KIF16B: variants seen among roughly 807,000 people sequenced by gnomAD.
The protein encoded by KIF16B is kinesin-like protein KIF16B.
KIF16B carries 98 observed loss-of-function variants against 156.3 expected under a neutral mutation model. The ratio of observed to expected loss-of-function variants is 0.63; its 90% CI spans 0.53 to 0.74. The LOEUF is 0.74. Among genes scored for constraint, KIF16B ranks in the 30% least tolerant of loss-of-function variants. The probability of loss-of-function intolerance (pLI) is 0.00; values close to 1 mark genes in which losing one functional copy is unlikely to be tolerated. For missense variants in KIF16B, 1,421 were observed against 1,606.5 expected, an observed-to-expected ratio of 0.88 and a Z score of 1.97; for synonymous variants, 564 against 583.7, an observed-to-expected ratio of 0.97 and a Z score of 0.49.
intron 12 of KIF16B, among the ~76,000 whole-genome samples, chr20:16,482,679 T>C (rs999565542): frequency 9.9e-5 from 15 of 152,202 alleles, no homozygotes; most frequent in African/African-American, 3.4e-4. Context: ...TGCTTTTATG[T>C]AATTTTTCAC....
At chr20:16,474,647 C>A (rs1410247792) in intron 12 of KIF16B, among the ~76,000 whole-genome samples, 1 of 152,120 alleles carries the variant, frequency 6.6e-6, no homozygotes, top group Non-Finnish European at 1.5e-5. Context: ...TTTGCCCTTC[C>A]CCATTTTTCC....
At chr20:16,528,645 T>C (rs546346438) in intron 1 of KIF16B, among the ~76,000 whole-genome samples, 85 of 152,324 alleles carry the variant, frequency 5.6e-4, no homozygotes, top group Non-Finnish European at 9.1e-4. Context: ...TCAACAATTA[T>C]GGCTGATACA....
Position 16,507,999 on chromosome 20 carries a change from T to C in KIF16B, c.658A>G (p.Ser220Gly), listed in dbSNP as rs2068838211. 1.2e-6 allele frequency: 2 copies of C among 1,614,086 alleles called. No homozygotes were observed. The highest frequency in any genetic ancestry group is 2.7e-5 in the African/African-American group (2 of 74,932). Residue 220 changes from serine (S) to glycine (G), a missense_variant, in exon 7 of 26, where the codon AGT becomes GGT. Coordinates refer to ENST00000354981, the MANE Select transcript of KIF16B (RefSeq NM_024704.5). ...TTAATGMNDV[S>G]SRSHAIFTIK... Reference sequence around the variant, plus strand: ...GTGAAGATGGCATGAGACCTGCTACTGACGTCGTTCATCCCAGTCGCTGCG... The same window carrying C: ...GTGAAGATGGCATGAGACCTGCTACCGACGTCGTTCATCCCAGTCGCTGCG...
At chr20:16,563,549 A>G (rs989741570) in intron 1 of KIF16B, among the ~76,000 whole-genome samples, 1 of 152,246 alleles carries the variant, frequency 6.6e-6, no homozygotes, top group African/African-American at 2.4e-5. Context: ...AACAGTCAAG[A>G]AACAAGGAAG....
At chr20:16,354,411 G>A (rs2123133382) in intron 23 of KIF16B, among the ~76,000 whole-genome samples, 1 of 145,332 alleles carries the variant, frequency 6.9e-6, no homozygotes, top group East Asian at 1.9e-4. Context: ...CAGTCATGAT[G>A]CAAACACAAC....
intron 25 of KIF16B, among the ~76,000 whole-genome samples, chr20:16,283,281 G>A (rs1049871492): frequency 5.9e-5 from 9 of 152,226 alleles, no homozygotes; most frequent in African/African-American, 2.2e-4. Context: ...TGCACCCAGT[G>A]CTGGGCAGGC....
At chr20:16,314,607 TTC>T (rs1371069672) in intron 24 of KIF16B, among the ~76,000 whole-genome samples, 1 of 152,218 alleles carries the variant, frequency 6.6e-6, no homozygotes, top group Non-Finnish European at 1.5e-5. Flanking sequence ...CTAGCTACGT[TTC>T]TCTGAGCCCG....
intron 23 of KIF16B, among the ~76,000 whole-genome samples, chr20:16,340,753 T>C (rs1370219085): frequency 6.6e-6 from 1 of 152,214 alleles, no homozygotes. Flanking sequence ...AAATGGTACT[T>C]CGAACCTGCC....
intron 1 of KIF16B, among the ~76,000 whole-genome samples, chr20:16,572,448 C>T (rs1242346571): frequency 7.7e-6 from 1 of 129,442 alleles, no homozygotes; most frequent in Non-Finnish European, 1.6e-5. Context: ...GGACACATCC[C>T]ATTTCTACCT....
intron 24 of KIF16B, among the ~76,000 whole-genome samples, chr20:16,328,403 T>C (rs1197632543): frequency 6.6e-6 from 1 of 152,310 alleles, no homozygotes; most frequent in Non-Finnish European, 1.5e-5. Context: ...AACTGTTCCA[T>C]GTAGCTTATA....
intron 10 of KIF16B, 142 bp downstream of exon 10, chr20:16,504,230 G>A (rs997554239): frequency 3.9e-6 from 3 of 767,946 alleles, no homozygotes; most frequent in Non-Finnish European, 6.4e-6. Context: ...TGTAAACGAG[G>A]GACTGGCTAA....
intron 25 of KIF16B, among the ~76,000 whole-genome samples, chr20:16,295,938 C>T (rs898948175): frequency 1.3e-5 from 2 of 152,134 alleles, no homozygotes; most frequent in African/African-American, 2.4e-5. Context: ...GTTTTTTCTA[C>T]CACCAGTCAG....
intron 12 of KIF16B, among the ~76,000 whole-genome samples, chr20:16,445,280 A>G (rs1374229721): frequency 6.6e-6 from 1 of 152,156 alleles, no homozygotes; most frequent in Non-Finnish European, 1.5e-5. Flanking sequence ...CCCCAAAGAA[A>G]TCTATAATAA....
intron 15 of KIF16B, among the ~76,000 whole-genome samples, chr20:16,409,706 C>A (rs1478470989): frequency 6.6e-6 from 1 of 151,384 alleles, no homozygotes; most frequent in Non-Finnish European, 1.5e-5. Context: ...ATGGGCTAGA[C>A]ACAAAGAGGA....
chr20:16,289,582 G>A (rs763622830), intron 25 of KIF16B, among the ~76,000 whole-genome samples: 3 of 151,756 alleles, frequency 2.0e-5, no homozygotes, highest in African/African-American at 4.8e-5. Context: ...GGCCGGGCGC[G>A]GTGGCTCACG....
At chr20:16,415,628 A>T (rs2043375595) in intron 15 of KIF16B, among the ~76,000 whole-genome samples, 1 of 152,142 alleles carries the variant, frequency 6.6e-6, no homozygotes. Context: ...CAGACTCAAC[A>T]GCGTTGATCT....
In KIF16B at chr20:16,409,946, T is replaced by TAC. The variant is rs1180993965; in HGVS notation, c.1613-3492_1613-3491dup. On this transcript the variant is annotated intron_variant, in intron 15 of 25. Coordinates refer to ENST00000354981, the MANE Select transcript of KIF16B (RefSeq NM_024704.5). ...CGATCTACCTTCCTACCCACTTACC[T>TAC]ACATATATATATATATATATATACA... 3.8e-4 allele frequency among the ~76,000 whole-genome samples: 23 copies of TAC among 60,074 alleles called. No individual in the cohort carries two copies. The South Asian group carries it at 4.5e-3, about 12-fold the overall frequency. 39.4% of individuals were successfully genotyped at this position (60,074 alleles called of 152,430 possible). A position where few individuals can be genotyped will look rare whatever the true frequency, so the allele number is the denominator to read the frequency against.
intron 1 of KIF16B, among the ~76,000 whole-genome samples, chr20:16,538,557 C>T (rs918174115): frequency 6.6e-6 from 1 of 151,916 alleles, no homozygotes; most frequent in South Asian, 2.1e-4. Flanking sequence ...ACAAATGAAC[C>T]AGCTGGAGTA....
chr20:16,395,771 C>T (rs1196298797), intron 17 of KIF16B, among the ~76,000 whole-genome samples: 3 of 152,026 alleles, frequency 2.0e-5, no homozygotes, highest in African/African-American at 7.2e-5. Context: ...CCTGTGAATA[C>T]AGCCTAGAAC....
Sources: gnomAD v4.1 joint callset for allele counts (sites outside exome capture counted in the v4.1 genomes callset) on GRCh38, gnomAD v4.1.1 for gene constraint, MANE v1.5 for transcripts, NCBI Gene and HGNC (gene_info 2026-07-23, HGNC 2026-07-21) for gene names.